DENND5B: variants seen among roughly 807,000 people sequenced by gnomAD.
DENND5B encodes the protein DENN domain containing 5B.
DENND5B carries 34 observed loss-of-function variants against 140.6 expected under a neutral mutation model. That is an observed-to-expected ratio of 0.24 (90% CI 0.18 to 0.32). The LOEUF is 0.32. Among genes scored for constraint, DENND5B ranks in the 10% least tolerant of loss-of-function variants. DENND5B has a pLI of 1.00. For synonymous variants in DENND5B, 551 were observed against 562.1 expected (o/e 0.98, Z 0.28); for missense variants, 1,142 against 1,560.2 (o/e 0.73, Z 4.52).
intron 8 of DENND5B, among the ~76,000 whole-genome samples, chr12:31,430,659 C>T (rs1943471702): frequency 6.6e-6 from 1 of 151,972 alleles, no homozygotes; most frequent in Non-Finnish European, 1.5e-5. Context: ...GACTCCGTCT[C>T]AAAAACAAAC....
chr12:31,579,247 C>A (rs748467276), intron 1 of DENND5B, among the ~76,000 whole-genome samples: 1 of 152,206 alleles, frequency 6.6e-6, no homozygotes, highest in African/African-American at 2.4e-5. Context: ...GCTAATCTTG[C>A]GGCCTCTTCT....
At chr12:31,418,137 T>A in intron 11 of DENND5B, among the ~76,000 whole-genome samples, 1 of 152,278 alleles carries the variant, frequency 6.6e-6, no homozygotes, top group East Asian at 1.9e-4. Flanking sequence ...GGACATTTGT[T>A]GTGGCGATTT....
chr12:31,589,808 G>C (rs1243009594), intron 1 of DENND5B: 7 of 152,150 alleles, frequency 4.6e-5, no homozygotes, highest in Non-Finnish European at 8.8e-5. Flanking sequence ...CGTGAAAAAT[G>C]AAATCAGTTG....
intron 15 of DENND5B, among the ~76,000 whole-genome samples, 152 bp downstream of exon 15, chr12:31,402,346 C>T (rs1236272555): frequency 1.3e-5 from 2 of 152,126 alleles, no homozygotes; most frequent in Non-Finnish European, 2.9e-5. Flanking sequence ...CTGCTTAAGA[C>T]AACTTTAGAC....
At chr12:31,390,279 C>A (rs1941058722) in intron 19 of DENND5B, among the ~76,000 whole-genome samples, 1 of 152,176 alleles carries the variant, frequency 6.6e-6, no homozygotes, top group African/African-American at 2.4e-5. Flanking sequence ...ACAAGTGGCT[C>A]CTGAGCACTT....
chr12:31,535,441 C>T (rs548676515), intron 1 of DENND5B, among the ~76,000 whole-genome samples: 3 of 151,302 alleles, frequency 2.0e-5, no homozygotes, highest in Admixed American at 6.6e-5. Flanking sequence ...TATACACATA[C>T]ACACACACAC....
rs1315336718 is a variant in DENND5B at position 31,447,592 on chromosome 12, C to T, written c.1807G>A (p.Ala603Thr). ...IDKIRLYNVR[A>T]PTLRTSIYQK... is the part of the protein sequence containing the mutation. ...TATATAGATGTCCGCAAGGTGGGTG[C>T]CCTTACATTATACAGCCTTATCTTA... The change falls in exon 6 of 21, where the codon GCA becomes ACA. Residue 603 changes from alanine to threonine, a missense_variant. Physicochemically the swap from Ala to Thr is moderately conservative, Grantham distance 58. Transcript: ENST00000389082. The T allele has an allele frequency of 1.2e-6, 2 of 1,613,682 alleles. No individual in the cohort carries two copies.
intron 4 of DENND5B, 40 bp downstream of exon 4, chr12:31,460,154 C>A: frequency 6.4e-7 from 1 of 1,571,170 alleles, no homozygotes; most frequent in Non-Finnish European, 8.7e-7. Context: ...TGACCTAAAT[C>A]AGCAAACAGC....
intron 1 of DENND5B, among the ~76,000 whole-genome samples, chr12:31,523,011 G>A (rs1035305901): frequency 6.6e-6 from 1 of 151,380 alleles, no homozygotes; most frequent in African/African-American, 2.4e-5. Flanking sequence ...GAGGATGTTA[G>A]CATTCCCAGA....
At chr12:31,559,054 T>C (rs1479151165) in intron 1 of DENND5B, among the ~76,000 whole-genome samples, 1 of 152,222 alleles carries the variant, frequency 6.6e-6, no homozygotes, top group Non-Finnish European at 1.5e-5. Context: ...CTGGTAAATA[T>C]GTCACTTGGA....
intron 4 of DENND5B, among the ~76,000 whole-genome samples, chr12:31,454,565 C>G (rs1191115541): frequency 6.6e-6 from 1 of 151,274 alleles, no homozygotes; most frequent in African/African-American, 2.4e-5. Flanking sequence ...GCCTCAGCCT[C>G]CCGCGTAGCT....
intron 2 of DENND5B, among the ~76,000 whole-genome samples, chr12:31,484,685 C>T (rs1366004284): frequency 6.6e-6 from 1 of 152,016 alleles, no homozygotes; most frequent in Admixed American, 6.6e-5. Context: ...CCTGTAGACC[C>T]AGCTACTCAG....
intron 1 of DENND5B, among the ~76,000 whole-genome samples, chr12:31,563,664 A>T (rs888928800): frequency 1.3e-5 from 2 of 152,228 alleles, no homozygotes; most frequent in Non-Finnish European, 2.9e-5. Flanking sequence ...TTTAATTTTT[A>T]AAAATAAAAG....
chr12:31,452,012 T>G lies in DENND5B; in HGVS notation c.1557A>C (p.Ala519=), dbSNP rs753023262. The change falls in exon 5 of 21, where the codon GCA becomes GCC. Residue 519 remains alanine, a synonymous_variant. Coordinates refer to ENST00000389082, the MANE Select transcript of DENND5B (RefSeq NM_144973.4). ...RFTQMFADYE[A]FVIQTAQDME... ...TGTCCTGGGCAGTCTGAATGACAAA[T>G]GCTTCGTAATCTGCAAACATCTGTG... 3 of 1,613,646 alleles carry G rather than the reference T, an allele frequency of 1.9e-6. No individual in the cohort carries two copies.
At chr12:31,416,505 C>A (rs1033358578) in intron 11 of DENND5B, among the ~76,000 whole-genome samples, 6 of 152,122 alleles carry the variant, frequency 3.9e-5, no homozygotes, top group African/African-American at 4.8e-5. Context: ...CTCAAGTGAT[C>A]TGCCCGCCTT....
chr12:31,583,699 AAAAACAAAC>A (rs1191549164), intron 1 of DENND5B, among the ~76,000 whole-genome samples: 1 of 151,138 alleles, frequency 6.6e-6, no homozygotes, highest in Non-Finnish European at 1.5e-5. Flanking sequence ...AAACAAAAAC[AAAAACAAAC>A]AACAACAACA....
At chr12:31,498,967 C>T (rs143598723) in intron 1 of DENND5B, among the ~76,000 whole-genome samples, 113 of 100,986 alleles carry the variant, frequency 1.1e-3, no homozygotes, top group African/African-American at 4.0e-3. Context: ...AGTAAGGCTC[C>T]GTCTCAAAAA....
At chr12:31,475,974 A>T (rs1945787575) in intron 3 of DENND5B, among the ~76,000 whole-genome samples, 1 of 151,786 alleles carries the variant, frequency 6.6e-6, no homozygotes, top group Non-Finnish European at 1.5e-5. Flanking sequence ...AAATACAAAG[A>T]AATTAGCCAG....
At chr12:31,523,669 GA>G (rs1393246559) in intron 1 of DENND5B, among the ~76,000 whole-genome samples, 3 of 150,372 alleles carry the variant, frequency 2.0e-5, no homozygotes, top group Non-Finnish European at 4.4e-5. Flanking sequence ...GTACACTTCA[GA>G]ATGGTTAACT....
Sources: allele counts gnomAD v4.1 joint callset (sites outside exome capture counted in the v4.1 genomes callset), GRCh38; gene constraint gnomAD v4.1.1; transcripts MANE v1.5; gene names NCBI Gene and HGNC (gene_info 2026-07-23, HGNC 2026-07-21).